Variants in CSMD1 observed in about 807,000 individuals in gnomAD.
The protein encoded by CSMD1 is CUB and sushi domain-containing protein 1.
Under a neutral mutation model 417.5 loss-of-function variants are expected in CSMD1, and 213 were observed. The observed-to-expected ratio is 0.51, with a 90% CI of 0.46 to 0.57. The LOEUF is 0.57. CSMD1 is among the 20% of genes least tolerant of loss of function. The pLI is 0.00. For synonymous variants in CSMD1, 2,862 were observed against 1,736.8 expected (o/e 1.65, Z -16.11); for missense variants, 6,923 against 4,529.7 (o/e 1.53, Z -15.17).
At position 3,141,929 on chromosome 8, in the gene CSMD1, C is replaced by G. The variant is rs1019469351; in HGVS notation, c.6241+536G>C. ...TCTCCTGCCTCAGCCTCCCGAGTAGCTGGGACTACAGGCGCCCGCCACTAT... is the reference window on the plus strand; with the variant it reads ...TCTCCTGCCTCAGCCTCCCGAGTAGGTGGGACTACAGGCGCCCGCCACTAT... On this transcript the variant is annotated intron_variant, in intron 41 of 69. Coordinates refer to ENST00000635120, the MANE Select transcript of CSMD1 (RefSeq NM_033225.6). Among the ~76,000 whole-genome samples, 651 of 151,942 alleles carry G rather than the reference C, an allele frequency of 4.3e-3. 4 individuals carry two copies. The highest frequency in any genetic ancestry group is 0.015 in the African/African-American group (612 of 41,476).
At chr8:2,976,701 T>G (rs1804959641) in intron 55 of CSMD1, among the ~76,000 whole-genome samples, 1 of 152,296 alleles carries the variant, frequency 6.6e-6, no homozygotes, top group South Asian at 2.1e-4. Flanking sequence ...GATTTTGATT[T>G]TAAGGATTGC....
chr8:4,416,431 T>G (rs1300036639), intron 3 of CSMD1, among the ~76,000 whole-genome samples: 1 of 152,116 alleles, frequency 6.6e-6, no homozygotes, highest in Non-Finnish European at 1.5e-5. Context: ...CCCAAATATT[T>G]TAGAAAACAT....
intron 3 of CSMD1, among the ~76,000 whole-genome samples, chr8:4,329,758 G>C (rs1416519257): frequency 6.6e-6 from 1 of 151,952 alleles, no homozygotes. Context: ...CTCAAGAATG[G>C]CTTGGGCCAT....
intron 1 of CSMD1, among the ~76,000 whole-genome samples, chr8:4,841,437 C>T (rs1300470315): frequency 6.6e-6 from 1 of 152,136 alleles, no homozygotes; most frequent in Non-Finnish European, 1.5e-5. Flanking sequence ...ATCCCTACCA[C>T]ATGTTATGTG....
intron 3 of CSMD1, among the ~76,000 whole-genome samples, chr8:4,279,636 G>C (rs371088373): frequency 3.3e-5 from 5 of 152,038 alleles, no homozygotes; most frequent in African/African-American, 1.2e-4. Flanking sequence ...CTTTGGATGT[G>C]GTAACTCATT....
chr8:3,768,393 T>C (rs917456279), intron 5 of CSMD1, among the ~76,000 whole-genome samples: 8 of 152,204 alleles, frequency 5.3e-5, no homozygotes, highest in Admixed American at 4.6e-4. Flanking sequence ...AGGAGTAACA[T>C]TCCTTTAGAT....
At chr8:3,385,853 TG>T (rs1810973092) in intron 18 of CSMD1, among the ~76,000 whole-genome samples, 1 of 151,892 alleles carries the variant, frequency 6.6e-6, no homozygotes, top group African/African-American at 2.4e-5. Flanking sequence ...AATTCCTCTG[TG>T]GGAAAATGCC....
chr8:3,662,581 G>A (rs1224590982), intron 7 of CSMD1, among the ~76,000 whole-genome samples: 2 of 152,156 alleles, frequency 1.3e-5, no homozygotes, highest in Non-Finnish European at 1.5e-5. Flanking sequence ...AGGTCAAATG[G>A]TGTTTCTGGT....
rs896759729 is a variant in CSMD1 at position 3,472,365 on chromosome 8, G to C, written c.1449-3541C>G. On this transcript the variant is annotated intron_variant, in intron 11 of 69. Transcript: ENST00000635120. Reference sequence around the variant, plus strand: ...TCTGAAACACACTTCCCAATTCTTGGGGACCTCTACTAATGATTTTGTCAC... The same window carrying C: ...TCTGAAACACACTTCCCAATTCTTGCGGACCTCTACTAATGATTTTGTCAC... Among the ~76,000 whole-genome samples, 3 of 151,868 alleles carry C rather than the reference G, an allele frequency of 2.0e-5. 1 individual carries two copies. The highest frequency in any genetic ancestry group is 2.1e-4 in the South Asian group (1 of 4,800).
chr8:3,480,984 G>C (rs1404605030), intron 11 of CSMD1, among the ~76,000 whole-genome samples: 3 of 151,500 alleles, frequency 2.0e-5, no homozygotes, highest in African/African-American at 4.9e-5. Flanking sequence ...GTGAAACCCT[G>C]TCTGAACTAA....
At position 3,727,325 on chromosome 8, in the gene CSMD1, G is replaced by A. The variant is rs573910841; in HGVS notation, c.932-18834C>T. Among the ~76,000 whole-genome samples, 84 of 152,254 alleles carry A rather than the reference G, an allele frequency of 5.5e-4. 1 individual carries two copies. The highest frequency in any genetic ancestry group is 1.1e-3 in the Non-Finnish European group (72 of 68,018). Reference sequence around the variant, plus strand: ...CATCTGCAGAGCCTCCCGCCTGAACGGTGGCACTGCAGTTCCCATAAATAT... The same window carrying A: ...CATCTGCAGAGCCTCCCGCCTGAACAGTGGCACTGCAGTTCCCATAAATAT... On this transcript the variant is annotated intron_variant, in intron 6 of 69. Coordinates refer to ENST00000635120, the MANE Select transcript of CSMD1 (RefSeq NM_033225.6).
intron 5 of CSMD1, among the ~76,000 whole-genome samples, chr8:3,794,095 T>G (rs552745027): frequency 6.6e-6 from 1 of 152,266 alleles, no homozygotes; most frequent in East Asian, 1.9e-4. Flanking sequence ...TCATGAAAAA[T>G]GCAGGGTCGC....
chr8:4,397,523 CTTTTTTTTTTTTTTTTTT>C (rs57745028), intron 3 of CSMD1, among the ~76,000 whole-genome samples: 5 of 59,934 alleles, frequency 8.3e-5, no homozygotes, highest in African/African-American at 3.0e-4. Context: ...GCCTGAGACT[CTTTTTTTTTTTTTTTTTT>C]TTTTTTTTTT....
At chr8:3,184,892 G>A (rs139262174) in intron 36 of CSMD1, among the ~76,000 whole-genome samples, 28 of 152,250 alleles carry the variant, frequency 1.8e-4, no homozygotes, top group Middle Eastern at 3.4e-3. Context: ...TTGATAGAAT[G>A]CTCTTTGACA....
At chr8:3,726,436 G>A (rs893164213) in intron 6 of CSMD1, among the ~76,000 whole-genome samples, 2 of 152,318 alleles carry the variant, frequency 1.3e-5, no homozygotes, top group East Asian at 1.9e-4. Flanking sequence ...TTGGTGACAA[G>A]GACAGGGGTC....
intron 5 of CSMD1, among the ~76,000 whole-genome samples, chr8:3,974,450 T>C (rs764867667): frequency 1.4e-4 from 22 of 152,060 alleles, no homozygotes; most frequent in Non-Finnish European, 2.4e-4. Context: ...GTGCAAATAA[T>C]AGTATATGGC....
chr8:3,131,410 T>C (rs1008088620), intron 41 of CSMD1, among the ~76,000 whole-genome samples: 11 of 149,930 alleles, frequency 7.3e-5, no homozygotes, highest in African/African-American at 2.7e-4. Context: ...CTGCACTAAA[T>C]GAAACAAAGC....
chr8:4,704,807 A>C (rs1584970280), intron 1 of CSMD1, among the ~76,000 whole-genome samples: 3 of 152,178 alleles, frequency 2.0e-5, no homozygotes, highest in African/African-American at 7.2e-5. Context: ...AGCCTGAGTG[A>C]GCTTGGAAGT....
rs11293138 is a variant in CSMD1 at position 3,655,659 on chromosome 8, GTTTTT to G, written c.1010-38867_1010-38863del. Among the ~76,000 whole-genome samples the G allele has an allele frequency of 3.2e-4, 44 of 139,586 alleles. No homozygotes were observed. In the South Asian group the frequency reaches 3.9e-3, roughly 13 times the overall value. 91.6% of individuals were successfully genotyped at this position (139,586 alleles called of 152,430 possible). On this transcript the variant is annotated intron_variant, in intron 7 of 69. Transcript: ENST00000635120. ...TACAAGATGACTCAATGGAGGTTGCGTTTTTTTTTTTTTTTTTTTTTTAATCTTCC... is the reference window on the plus strand; with the variant it reads ...TACAAGATGACTCAATGGAGGTTGCGTTTTTTTTTTTTTTTTTAATCTTCC...
Sources: allele counts gnomAD v4.1 joint callset (sites outside exome capture counted in the v4.1 genomes callset), GRCh38; gene constraint gnomAD v4.1.1; transcripts MANE v1.5; gene names NCBI Gene and HGNC (gene_info 2026-07-23, HGNC 2026-07-21).